Variants in CAMKMT observed in about 807,000 individuals in gnomAD.
CAMKMT encodes CaM KMT.
CAMKMT carries 53 observed loss-of-function variants against 48.0 expected under a neutral mutation model. The ratio of observed to expected loss-of-function variants is 1.10; its 90% CI spans 0.89 to 1.39. The LOEUF is 1.39. Among genes scored for constraint, CAMKMT ranks in the 40% most tolerant of loss-of-function variants. The pLI is 0.00. For missense variants in CAMKMT, 428 were observed against 402.7 expected (o/e 1.06, Z -0.54); for synonymous variants, 165 against 152.3 (o/e 1.08, Z -0.61).
chr2:44,645,907 TCCTA>T (rs1381416513), intron 3 of CAMKMT, among the ~76,000 whole-genome samples: 3 of 152,198 alleles, frequency 2.0e-5, no homozygotes, highest in Non-Finnish European at 2.9e-5. Flanking sequence ...ACTGACAGTG[TCCTA>T]CTGAAGGGCC....
At chr2:44,609,992 A>G (rs1484040525) in intron 3 of CAMKMT, among the ~76,000 whole-genome samples, 2 of 152,222 alleles carry the variant, frequency 1.3e-5, no homozygotes, top group Non-Finnish European at 2.9e-5. Flanking sequence ...TTGACTTTCA[A>G]AGGCATCTTA....
chr2:44,436,499 G>T (rs1485995534), intron 3 of CAMKMT, among the ~76,000 whole-genome samples: 4 of 152,068 alleles, frequency 2.6e-5, no homozygotes, highest in Admixed American at 6.5e-5. Flanking sequence ...AACTTTTTCT[G>T]TAAAAGGTCA....
chr2:44,762,091 C>A (rs552549766), intron 9 of CAMKMT, among the ~76,000 whole-genome samples: 1 of 152,052 alleles, frequency 6.6e-6, no homozygotes, highest in Admixed American at 6.6e-5. Context: ...GGACCACTGA[C>A]AATTAAAAGA....
At chr2:44,428,117 T>C (rs1684400092) in intron 3 of CAMKMT, among the ~76,000 whole-genome samples, 1 of 152,146 alleles carries the variant, frequency 6.6e-6, no homozygotes. Context: ...GTGACAGCTT[T>C]TTACACCCTG....
At chr2:44,468,365 G>C (rs1468707852) in intron 3 of CAMKMT, among the ~76,000 whole-genome samples, 1 of 152,192 alleles carries the variant, frequency 6.6e-6, no homozygotes, top group Non-Finnish European at 1.5e-5. Flanking sequence ...ATGCTGGTGA[G>C]GATACAGAGA....
chr2:44,660,078 G>A (rs1325940611), intron 3 of CAMKMT, among the ~76,000 whole-genome samples: 1 of 152,052 alleles, frequency 6.6e-6, no homozygotes, highest in Non-Finnish European at 1.5e-5. Flanking sequence ...AACTCATTAT[G>A]TCTTAACATA....
chr2:44,704,681 C>CA (rs1325192887), intron 4 of CAMKMT, among the ~76,000 whole-genome samples: 2,740 of 81,056 alleles, frequency 0.034, 60 homozygotes, highest in African/African-American at 0.063. Context: ...TTGTGAAGGT[C>CA]AAAAAAAAAA....
At chr2:44,750,635 A>G (rs1177672155) in intron 8 of CAMKMT, among the ~76,000 whole-genome samples, 1 of 152,252 alleles carries the variant, frequency 6.6e-6, no homozygotes, top group Non-Finnish European at 1.5e-5. Context: ...CTACCTCTAC[A>G]GCACGGCTGT....
intron 3 of CAMKMT, among the ~76,000 whole-genome samples, chr2:44,392,262 C>CTG (rs1175717720): frequency 6.6e-6 from 1 of 151,980 alleles, no homozygotes; most frequent in Non-Finnish European, 1.5e-5. Context: ...GGATATATTG[C>CTG]TGAGTGATAG....
At chr2:44,420,563 A>G (rs1683865593) in intron 3 of CAMKMT, among the ~76,000 whole-genome samples, 1 of 151,858 alleles carries the variant, frequency 6.6e-6, no homozygotes, top group South Asian at 2.1e-4. Flanking sequence ...TTCAAGAGTC[A>G]ACTATATATA....
intron 3 of CAMKMT, among the ~76,000 whole-genome samples, chr2:44,679,825 G>T (rs1263085838): frequency 6.6e-6 from 1 of 152,180 alleles, no homozygotes; most frequent in East Asian, 1.9e-4. Flanking sequence ...TAAGCATCAG[G>T]CTGACTGTGC....
rs1177223166 is a variant in CAMKMT at position 44,721,836 on chromosome 2, A to AAGAGG, written c.623+6494_623+6498dup. ...AAACCCCATCTATTGAAAAGAAAAG[A>AAGAGG]AGAGGAGAGGAGAGGGGAGGGGAGG... On this transcript the variant is annotated intron_variant, in intron 7 of 10. Transcript: ENST00000378494. 1.6e-4 allele frequency among the ~76,000 whole-genome samples: 24 copies of AAGAGG among 149,642 alleles called. No homozygotes were observed. The East Asian group carries it at 1.6e-3, about 10-fold the overall frequency.
rs373521590 is a variant in CAMKMT at position 44,562,751 on chromosome 2, G to T, written c.377-141532G>T. Among the ~76,000 whole-genome samples the T allele has an allele frequency of 3.9e-5, 6 of 152,240 alleles. No individual in the cohort carries two copies. The South Asian group carries it at 1.2e-3, about 32-fold the overall frequency. ...AATTCTTGTATTTTTAGTAGAGACG[G>T]GGTTTCAACATGTTGGCCAGGCTGG... On this transcript the variant is annotated intron_variant, in intron 3 of 10. Transcript: ENST00000378494.
chr2:44,614,016 A>T (rs901024779), intron 3 of CAMKMT, among the ~76,000 whole-genome samples: 3 of 152,272 alleles, frequency 2.0e-5, no homozygotes, highest in African/African-American at 7.2e-5. Flanking sequence ...TATAAAATAG[A>T]TAAATACAAA....
chr2:44,586,321 GTA>G (rs150949922), intron 3 of CAMKMT, among the ~76,000 whole-genome samples: 2,267 of 149,804 alleles, frequency 0.015, 42 homozygotes, highest in African/African-American at 0.043. Flanking sequence ...TTTAACATAT[GTA>G]TATATATATA....
At chr2:44,588,162 C>T (rs1669990873) in intron 3 of CAMKMT, among the ~76,000 whole-genome samples, 2 of 134,672 alleles carry the variant, frequency 1.5e-5, no homozygotes, top group Admixed American at 7.5e-5. Context: ...CGCCTCTGCC[C>T]GGCCGCCCCG....
intron 3 of CAMKMT, among the ~76,000 whole-genome samples, chr2:44,559,490 T>G (rs1668209256): frequency 6.6e-6 from 1 of 152,216 alleles, no homozygotes; most frequent in Admixed American, 6.5e-5. Context: ...TCATGACAAC[T>G]CTCATGGCTT....
At chr2:44,770,667 G>A (rs1158779883) in intron 10 of CAMKMT, among the ~76,000 whole-genome samples, 2 of 152,038 alleles carry the variant, frequency 1.3e-5, no homozygotes, top group Admixed American at 1.3e-4. Context: ...ATTTACAGTG[G>A]TAAGTCCCGG....
intron 6 of CAMKMT, among the ~76,000 whole-genome samples, chr2:44,708,218 T>TTTTTTTTC: frequency 7.3e-6 from 1 of 137,216 alleles, no homozygotes; most frequent in Non-Finnish European, 1.5e-5. Context: ...TGGATTTTTT[T>TTTTTTTTC]TTTTTTTTTT....
Sources: allele counts gnomAD v4.1 joint callset (sites outside exome capture counted in the v4.1 genomes callset), GRCh38; gene constraint gnomAD v4.1.1; transcripts MANE v1.5; gene names NCBI Gene and HGNC (gene_info 2026-07-23, HGNC 2026-07-21).